The following DLG2 variants were observed in gnomAD, a reference collection of about 807,000 sequenced individuals.
The protein encoded by DLG2 is discs large MAGUK scaffold protein 2.
DLG2 carries 45 observed loss-of-function variants against 132.5 expected under a neutral mutation model. The ratio of observed to expected loss-of-function variants is 0.34; its 90% confidence interval spans 0.27 to 0.44. DLG2 has a LOEUF of 0.44. Ranked by LOEUF, DLG2 falls within the 20% of genes least tolerant of loss-of-function variation. The pLI is 1.00. For missense variants in DLG2, 1,045 were observed against 1,196.9 expected, an observed-to-expected ratio of 0.87 and a Z score of 1.87; for synonymous variants, 424 against 419.6, an observed-to-expected ratio of 1.01 and a Z score of -0.13.
intron 20 of DLG2, among the ~76,000 whole-genome samples, chr11:83,538,106 C>A (rs2095944186): frequency 6.6e-6 from 1 of 152,120 alleles, no homozygotes; most frequent in Non-Finnish European, 1.5e-5. Flanking sequence ...AATTGTTTAG[C>A]ACAATGTCTG....
At chr11:84,022,403 A>G (rs2095420241) in intron 11 of DLG2, among the ~76,000 whole-genome samples, 1 of 152,136 alleles carries the variant, frequency 6.6e-6, no homozygotes, top group Admixed American at 6.5e-5. Context: ...TTTGACATTT[A>G]CTCCTGCAAA....
At chr11:84,068,804 T>C (rs1268482042) in intron 10 of DLG2, among the ~76,000 whole-genome samples, 2 of 152,194 alleles carry the variant, frequency 1.3e-5, no homozygotes, top group Non-Finnish European at 2.9e-5. Context: ...TAGTCTTTAA[T>C]GTAAATAGAA....
At position 85,576,995 on chromosome 11, in the gene DLG2, T is replaced by C. The variant is rs145826571; in HGVS notation, c.40+21662A>G. On this transcript the variant is annotated intron_variant, in intron 3 of 27. Coordinates refer to ENST00000376104, the MANE Select transcript of DLG2 (RefSeq NM_001142699.3). ...GCAGAAAGTTTATTCAAGGAAAAGT[T>C]CAAGTCCAACATAATTGGAGAGGAG... Among the ~76,000 whole-genome samples the C allele has an allele frequency of 1.3e-3, 195 of 152,168 alleles. 1 individual carries two copies. Among genetic ancestry groups the C allele is most frequent in the South Asian group, 0.011 (52 of 4,822 alleles).
chr11:84,214,194 C>CAT lies in DLG2; in HGVS notation c.573+37042_573+37043dup, dbSNP rs576769298. Among the ~76,000 whole-genome samples, 217 of 131,236 alleles carry CAT rather than the reference C, an allele frequency of 1.7e-3. 1 individual carries two copies. The East Asian group carries it at 0.034, about 20-fold the overall frequency. 86.1% of individuals were successfully genotyped at this position (131,236 alleles called of 152,430 possible). ...AATTCAGAGCCAAAACTAGGGTCTT[C>CAT]ATATATATATACATATATATATGAA... On this transcript the variant is annotated intron_variant, in intron 8 of 27. Transcript: ENST00000376104.
chr11:85,267,042 C>T (rs2077255993), intron 4 of DLG2, among the ~76,000 whole-genome samples: 1 of 152,274 alleles, frequency 6.6e-6, no homozygotes, highest in East Asian at 1.9e-4. Flanking sequence ...TAGGATTTTG[C>T]TATGGACTGG....
At chr11:84,032,018 T>G (rs984214011) in intron 11 of DLG2, among the ~76,000 whole-genome samples, 1 of 152,160 alleles carries the variant, frequency 6.6e-6, no homozygotes, top group Admixed American at 6.6e-5. Context: ...GATGATGAAC[T>G]TAACTGATAA....
chr11:84,923,619 T>C, intron 6 of DLG2: 9 of 990,010 alleles, frequency 9.1e-6, no homozygotes, highest in Non-Finnish European at 1.1e-5. Flanking sequence ...CTTTGGAGGT[T>C]TAATATGAGC....
chr11:83,648,991 T>C (rs1419338061), intron 18 of DLG2, among the ~76,000 whole-genome samples: 2 of 152,080 alleles, frequency 1.3e-5, no homozygotes, highest in African/African-American at 4.8e-5. Context: ...TGAATTGAAC[T>C]CAATGTGTTG....
chr11:85,111,612 T>C (rs202119852), intron 6 of DLG2, 49 bp downstream of exon 6: 12 of 1,442,684 alleles, frequency 8.3e-6, no homozygotes, highest in African/African-American at 5.8e-5. Flanking sequence ...TTCCAAAATA[T>C]AAAAACATTT....
chr11:84,274,924 C>T (rs2097770165), intron 7 of DLG2, among the ~76,000 whole-genome samples: 1 of 152,182 alleles, frequency 6.6e-6, no homozygotes, highest in African/African-American at 2.4e-5. Context: ...TCCCATCTGC[C>T]CCAGCCACAT....
intron 8 of DLG2, among the ~76,000 whole-genome samples, chr11:84,202,945 T>C (rs887848695): frequency 4.6e-5 from 7 of 152,146 alleles, no homozygotes; most frequent in Non-Finnish European, 7.3e-5. Flanking sequence ...ATGGCTATTA[T>C]TTAAAAGTCA....
intron 3 of DLG2, among the ~76,000 whole-genome samples, chr11:85,455,693 G>A (rs1351053208): frequency 6.6e-6 from 1 of 152,100 alleles, no homozygotes; most frequent in African/African-American, 2.4e-5. Flanking sequence ...TTTGAAGTAT[G>A]CTCCTTCAGT....
intron 11 of DLG2, among the ~76,000 whole-genome samples, chr11:84,018,402 A>G (rs1390061239): frequency 2.6e-5 from 4 of 152,060 alleles, no homozygotes; most frequent in African/African-American, 9.6e-5. Context: ...TCAATCACTT[A>G]CAATGCCTTT....
At chr11:84,702,220 T>A (rs1435169138) in intron 6 of DLG2, among the ~76,000 whole-genome samples, 1 of 151,660 alleles carries the variant, frequency 6.6e-6, no homozygotes, top group African/African-American at 2.4e-5. Flanking sequence ...ACCCTGCACC[T>A]CTCAAAGCTG....
At chr11:84,063,076 A>G (rs1039519002) in intron 10 of DLG2, among the ~76,000 whole-genome samples, 10 of 152,090 alleles carry the variant, frequency 6.6e-5, no homozygotes, top group Non-Finnish European at 1.0e-4. Context: ...TGAGTTCAAG[A>G]CCAGCCTGGG....
rs756738220 is a variant in DLG2, at chr11:84,668,022, G to A, written c.358-133291C>T. 1.6e-4 allele frequency among the ~76,000 whole-genome samples: 25 copies of A among 152,152 alleles called. 1 individual carries two copies. The highest frequency in any genetic ancestry group is 3.4e-4 in the Non-Finnish European group (23 of 68,036). On this transcript the variant is annotated intron_variant, in intron 6 of 27. Coordinates refer to ENST00000376104, the MANE Select transcript of DLG2 (RefSeq NM_001142699.3). ...AGGACTCTGAGTGAGACAGATCTCA[G>A]TGTGAGCCCAGCTCTGTGACACACC... is the stretch of plus-strand genomic sequence containing the variant.
chr11:84,284,577 C>A (rs1305451157), intron 7 of DLG2, among the ~76,000 whole-genome samples: 1 of 152,226 alleles, frequency 6.6e-6, no homozygotes, highest in Non-Finnish European at 1.5e-5. Context: ...GACCCCAGGT[C>A]TTGTTTGCAC....
chr11:84,055,502 C>A (rs927486814), intron 11 of DLG2, among the ~76,000 whole-genome samples: 1 of 152,038 alleles, frequency 6.6e-6, no homozygotes, highest in Non-Finnish European at 1.5e-5. Context: ...CTGGCCCTTG[C>A]TCATCTCAGC....
intron 3 of DLG2, among the ~76,000 whole-genome samples, chr11:85,434,412 A>T (rs1028623386): frequency 5.3e-5 from 8 of 151,968 alleles, no homozygotes; most frequent in African/African-American, 1.9e-4. Context: ...ATTTTAAAAA[A>T]AAAATAGACC....
Sources: allele counts gnomAD v4.1 joint callset (sites outside exome capture counted in the v4.1 genomes callset), GRCh38; gene constraint gnomAD v4.1.1; transcripts MANE v1.5; gene names NCBI Gene and HGNC (gene_info 2026-07-23, HGNC 2026-07-21).